Variants in KAZN observed in about 807,000 individuals in gnomAD.
The protein encoded by KAZN is kazrin.
Under a neutral mutation model 87.4 loss-of-function variants are expected in KAZN, and 40 were observed. That is an observed-to-expected ratio of 0.46 (90% confidence interval 0.36 to 0.60). The LOEUF (loss-of-function observed/expected upper bound fraction) is 0.60. Ranked by LOEUF, KAZN falls within the 20% of genes least tolerant of loss-of-function variation. The pLI is 0.00. For missense variants in KAZN, 898 were observed against 1,073.9 expected, an observed-to-expected ratio of 0.84 and a Z score of 2.29; for synonymous variants, 466 against 458.3, an observed-to-expected ratio of 1.02 and a Z score of -0.22.
At chr1:14,508,071 C>T (rs1022007931) in intron 2 of KAZN, among the ~76,000 whole-genome samples, 1 of 152,164 alleles carries the variant, frequency 6.6e-6, no homozygotes. Flanking sequence ...CCCCAGTACC[C>T]TGCCTCCACA....
intron 2 of KAZN, among the ~76,000 whole-genome samples, chr1:14,519,637 T>C (rs528816499): frequency 6.6e-6 from 1 of 151,956 alleles, no homozygotes; most frequent in African/African-American, 2.4e-5. Context: ...AAAGCATAAG[T>C]GGTGAATATC....
intron 2 of KAZN, among the ~76,000 whole-genome samples, chr1:14,238,806 C>T (rs780714148): frequency 2.6e-5 from 4 of 152,224 alleles, no homozygotes; most frequent in South Asian, 2.1e-4. Flanking sequence ...ACAGCACTGA[C>T]GTGTGTTTGC....
intron 1 of KAZN, among the ~76,000 whole-genome samples, chr1:14,959,381 G>A (rs917617096): frequency 1.3e-5 from 2 of 152,198 alleles, no homozygotes; most frequent in Non-Finnish European, 2.9e-5. Flanking sequence ...GCTGGAAAGA[G>A]TGTGGCATAT....
At chr1:13,962,503 C>T (rs1389767163) in intron 1 of KAZN, among the ~76,000 whole-genome samples, 1 of 152,130 alleles carries the variant, frequency 6.6e-6, no homozygotes, top group African/African-American at 2.4e-5. Flanking sequence ...CTCTCACTTG[C>T]ATCATTTCTT....
intron 2 of KAZN, among the ~76,000 whole-genome samples, chr1:14,239,580 C>A (rs940109182): frequency 6.6e-5 from 10 of 151,384 alleles, no homozygotes; most frequent in Non-Finnish European, 1.3e-4. Flanking sequence ...CCTGCCTCAG[C>A]CTCCCGAGTA....
rs538309446 is a variant in KAZN at position 14,358,359 on chromosome 1, T to A, written c.249+177767T>A. 1.0e-3 allele frequency among the ~76,000 whole-genome samples: 156 copies of A among 148,830 alleles called. 1 individual carries two copies. The highest frequency in any genetic ancestry group is 2.7e-3 in the South Asian group (13 of 4,738). ...AGGTCTATCTATTTTGTAAATCTTT[T>A]AAAAAAAAAAACCAGCTCAGGGATT... On this transcript the variant is annotated intron_variant, in intron 2 of 16. Transcript: ENST00000636203.
At chr1:14,505,634 G>A (rs1475730480) in intron 2 of KAZN, among the ~76,000 whole-genome samples, 8 of 152,134 alleles carry the variant, frequency 5.3e-5, no homozygotes, top group Non-Finnish European at 1.2e-4. Flanking sequence ...CAGGAGGGGA[G>A]AATGAGAACT....
At position 14,858,214 on chromosome 1, in the gene KAZN, CTT is replaced by C. The variant is rs71000342; in HGVS notation, c.227-102455_227-102454del. On this transcript the variant is annotated intron_variant, in intron 1 of 14. Transcript: ENST00000376030. ...TTTTTTTCTTTTTTCTTTTTCTTTT[CTT>C]TTTTTTTTTTTTTTGAGACAAAGTC... 4.9e-4 allele frequency among the ~76,000 whole-genome samples: 57 copies of C among 117,024 alleles called. 1 individual carries two copies. Among genetic ancestry groups the C allele is most frequent in the East Asian group, 9.4e-4 (4 of 4,256 alleles). The allele number at this position is 117,024 out of a possible 152,430, so 76.8% of individuals were successfully genotyped here.
chr1:14,670,473 G>A (rs1639853161), intron 1 of KAZN, among the ~76,000 whole-genome samples: 1 of 152,144 alleles, frequency 6.6e-6, no homozygotes, highest in Non-Finnish European at 1.5e-5. Context: ...TGCTCCAGGG[G>A]CTACACTTTG....
At chr1:14,563,874 C>CTTTT (rs540880203) in intron 2 of KAZN, among the ~76,000 whole-genome samples, 14,096 of 97,780 alleles carry the variant, frequency 0.14, 2,385 homozygotes, top group Admixed American at 0.26. Flanking sequence ...GTTCAAACTC[C>CTTTT]TTTTTTTTTT....
chr1:14,848,796 C>T (rs1375566880), intron 1 of KAZN, among the ~76,000 whole-genome samples: 1 of 152,236 alleles, frequency 6.6e-6, no homozygotes, highest in African/African-American at 2.4e-5. Context: ...GAAGCGGGGA[C>T]ATTTGCATCC....
At chr1:14,475,022 A>T (rs1009646597) in intron 2 of KAZN, among the ~76,000 whole-genome samples, 2 of 152,048 alleles carry the variant, frequency 1.3e-5, no homozygotes, top group African/African-American at 4.8e-5. Context: ...GGATGAATGG[A>T]TGGAGGGATA....
chr1:14,028,808 A>AT (rs1370863669), intron 1 of KAZN, among the ~76,000 whole-genome samples: 2 of 152,114 alleles, frequency 1.3e-5, no homozygotes, highest in Non-Finnish European at 2.9e-5. Context: ...TGAACTCATC[A>AT]TTTTTTATGG....
chr1:14,083,754 TA>T (rs1228675908), intron 1 of KAZN, among the ~76,000 whole-genome samples: 1 of 152,198 alleles, frequency 6.6e-6, no homozygotes, highest in African/African-American at 2.4e-5. Context: ...ATGACAACTT[TA>T]TATTAGACTC....
intron 1 of KAZN, among the ~76,000 whole-genome samples, chr1:14,166,294 G>A (rs1278402629): frequency 2.0e-5 from 3 of 152,078 alleles, no homozygotes; most frequent in Non-Finnish European, 4.4e-5. Flanking sequence ...CAGCCTGAGC[G>A]ACAGAGCAAG....
chr1:15,043,642 T>C (rs1004765070), intron 3 of KAZN, among the ~76,000 whole-genome samples: 3 of 134,800 alleles, frequency 2.2e-5, no homozygotes, highest in African/African-American at 8.8e-5. Flanking sequence ...TCTTTTTTTT[T>C]TTTTTTTTTT....
chr1:14,294,312 C>T (rs971239305), intron 2 of KAZN, among the ~76,000 whole-genome samples: 1 of 152,144 alleles, frequency 6.6e-6, no homozygotes, highest in Non-Finnish European at 1.5e-5. Flanking sequence ...TCCCTACTCA[C>T]CACACAAAGG....
intron 1 of KAZN, among the ~76,000 whole-genome samples, chr1:14,700,537 TGATG>T (rs1240226357): frequency 2.6e-5 from 4 of 152,002 alleles, no homozygotes; most frequent in Non-Finnish European, 5.9e-5. Context: ...TCCCAGTCTC[TGATG>T]GAGTGAGTCA....
intron 1 of KAZN, among the ~76,000 whole-genome samples, chr1:14,109,754 T>A (rs2101667889): frequency 6.6e-6 from 1 of 152,328 alleles, no homozygotes; most frequent in East Asian, 1.9e-4. Flanking sequence ...CACCATTCCA[T>A]TCAGCTTAAA....
Sources: gnomAD v4.1 joint callset for allele counts (sites outside exome capture counted in the v4.1 genomes callset) on GRCh38, gnomAD v4.1.1 for gene constraint, MANE v1.5 for transcripts, NCBI Gene and HGNC (gene_info 2026-07-23, HGNC 2026-07-21) for gene names.